The following UPP2 variants were observed in gnomAD, a reference collection of about 807,000 sequenced individuals.
UPP2 encodes the protein uridine phosphorylase 2, also known as UPase 2.
UPP2 carries 23 observed loss-of-function variants against 26.7 expected under a neutral mutation model. The ratio of observed to expected loss-of-function variants is 0.86; its 90% CI spans 0.62 to 1.22. The LOEUF (loss-of-function observed/expected upper bound fraction) is 1.22, where lower values mean the gene tolerates loss of function less well. Among genes scored for constraint, UPP2 ranks in the 50% most tolerant of loss-of-function variants. The pLI is 0.00. For missense variants in UPP2, 387 were observed against 396.7 expected, an observed-to-expected ratio of 0.98 and a Z score of 0.21; for synonymous variants, 127 against 141.3, an observed-to-expected ratio of 0.90 and a Z score of 0.72.
At chr2:158,091,823 A>T (rs919542217) in intron 3 of UPP2, among the ~76,000 whole-genome samples, 5 of 152,212 alleles carry the variant, frequency 3.3e-5, no homozygotes. Context: ...AGGCATGAAC[A>T]ACTGGCACAT....
chr2:158,115,302 G>A (rs766841703), intron 3 of UPP2, 43 bp downstream of exon 3: 2 of 1,513,780 alleles, frequency 1.3e-6, no homozygotes, highest in South Asian at 2.7e-5. Flanking sequence ...TTGCAGGCTA[G>A]AGAAAAAAGT....
chr2:158,044,553 G>A (rs550033398), intron 3 of UPP2, among the ~76,000 whole-genome samples: 2 of 152,206 alleles, frequency 1.3e-5, no homozygotes, highest in South Asian at 2.1e-4. Context: ...AGACTATTAC[G>A]ACATTTACAG....
rs757161849 is a variant in UPP2 at position 158,102,023 on chromosome 2, C to T, written c.-41C>T. 7 of 1,607,448 alleles carry T rather than the reference C, an allele frequency of 4.4e-6. No individual in the cohort carries two copies. Among genetic ancestry groups the T allele is most frequent in the Non-Finnish European group, 5.9e-6 (7 of 1,178,572 alleles). On this transcript the variant is annotated 5_prime_UTR_variant, in exon 1 of 7. Transcript: ENST00000005756. ...ATAACAAGTCACAATATCTCTCTTTCTTGACATCAATTTAAGGTGACTTTT... is the reference window on the plus strand; with the variant it reads ...ATAACAAGTCACAATATCTCTCTTTTTTGACATCAATTTAAGGTGACTTTT...
intron 3 of UPP2, among the ~76,000 whole-genome samples, chr2:158,072,817 A>C (rs911903242): frequency 6.6e-6 from 1 of 152,218 alleles, no homozygotes; most frequent in Non-Finnish European, 1.5e-5. Context: ...TGATCATGGG[A>C]CACAAGTCCC....
intron 2 of UPP2, among the ~76,000 whole-genome samples, chr2:158,001,764 T>C (rs943478238): frequency 6.6e-6 from 1 of 152,176 alleles, no homozygotes; most frequent in African/African-American, 2.4e-5. Context: ...TGAATTTCTA[T>C]AACCTGAAGT....
At chr2:158,016,998 T>C (rs1683669968) in intron 3 of UPP2, among the ~76,000 whole-genome samples, 1 of 152,156 alleles carries the variant, frequency 6.6e-6, no homozygotes. Context: ...CCATAACTAA[T>C]CTACTGTAAT....
chr2:158,077,474 C>G (rs1198146263), intron 3 of UPP2, among the ~76,000 whole-genome samples: 1 of 151,996 alleles, frequency 6.6e-6, no homozygotes, highest in African/African-American at 2.4e-5. Context: ...AATAAAGAAC[C>G]CAGAAACTAA....
intron 3 of UPP2, among the ~76,000 whole-genome samples, chr2:158,044,488 G>T (rs1051974685): frequency 6.6e-6 from 1 of 152,126 alleles, no homozygotes; most frequent in African/African-American, 2.4e-5. Flanking sequence ...AGAGAGTCAG[G>T]TCAGCCAGCT....
chr2:158,022,192 G>A (rs1683762141), intron 3 of UPP2, among the ~76,000 whole-genome samples: 1 of 152,146 alleles, frequency 6.6e-6, no homozygotes, highest in Admixed American at 6.5e-5. Flanking sequence ...ATGTGCGGTG[G>A]CTCATGCCTG....
intron 3 of UPP2, among the ~76,000 whole-genome samples, chr2:158,038,321 A>G (rs1267200160): frequency 6.6e-6 from 1 of 152,244 alleles, no homozygotes; most frequent in Non-Finnish European, 1.5e-5. Context: ...TGTGAGGCTG[A>G]TTTGTTAAAA....
chr2:158,025,461 A>C (rs1237654393), intron 3 of UPP2, among the ~76,000 whole-genome samples: 1 of 152,148 alleles, frequency 6.6e-6, no homozygotes, highest in East Asian at 1.9e-4. Flanking sequence ...GAGGGAAGCC[A>C]AACAGGCTAA....
Position 158,117,813 on chromosome 2 carries a change from T to C in UPP2, c.340-11T>C. ...GCAAGATGTATGATGACTTTCTCTTTCTCTCAATAGCACGGCATGGGCATC... is the reference window on the plus strand; with the variant it reads ...GCAAGATGTATGATGACTTTCTCTTCCTCTCAATAGCACGGCATGGGCATC... On this transcript the variant is annotated splice_polypyrimidine_tract_variant and intron_variant, in intron 3 of 6. Coordinates refer to ENST00000005756, the MANE Select transcript of UPP2 (RefSeq NM_173355.4). 1 of 1,592,228 alleles carries C rather than the reference T, an allele frequency of 6.3e-7. No homozygotes were observed. Among genetic ancestry groups the C allele is most frequent in the Non-Finnish European group, 8.6e-7 (1 of 1,160,536 alleles).
chr2:158,085,134 G>A (rs370843279), intron 3 of UPP2, among the ~76,000 whole-genome samples: 41 of 152,020 alleles, frequency 2.7e-4, no homozygotes, highest in African/African-American at 9.6e-4. Context: ...CATGGGATAT[G>A]TTTCCATTTG....
chr2:158,004,226 AC>A (rs1683452039), intron 2 of UPP2, among the ~76,000 whole-genome samples: 1 of 152,186 alleles, frequency 6.6e-6, no homozygotes, highest in African/African-American at 2.4e-5. Context: ...TTACTATATT[AC>A]TTTTATAATT....
chr2:158,044,760 AGGAGG>A (rs1684128169), intron 3 of UPP2, among the ~76,000 whole-genome samples: 1 of 152,192 alleles, frequency 6.6e-6, no homozygotes, highest in Admixed American at 6.5e-5. Flanking sequence ...AACTAACAAA[AGGAGG>A]CTCCAGAGAG....
At chr2:158,052,371 A>T (rs1324760635) in intron 3 of UPP2, among the ~76,000 whole-genome samples, 1 of 152,202 alleles carries the variant, frequency 6.6e-6, no homozygotes, top group Non-Finnish European at 1.5e-5. Flanking sequence ...CGATATCAAG[A>T]TGTGGGTAAA....
rs1683924513 is a variant in UPP2, at chr2:158,136,029, A to C, written c.*1139A>C. On this transcript the variant is annotated 3_prime_UTR_variant, in exon 7 of 7. Transcript: ENST00000005756. ...TGACCGAATGGAGGCTTGGGGCAGG[A>C]AATAGGTCCTAGGCCGGTTGAGTCT... 6.6e-6 allele frequency: 1 copy of C among 152,196 alleles called. No individual in the cohort carries two copies. Among genetic ancestry groups the C allele is most frequent in the Admixed American group, 6.5e-5 (1 of 15,280 alleles). 9.4% of individuals were successfully genotyped at this position (152,196 alleles called of 1,614,324 possible). A position where few individuals can be genotyped will look rare whatever the true frequency, so the allele number is the denominator to read the frequency against.
intron 1 of UPP2, among the ~76,000 whole-genome samples, chr2:158,104,920 G>A (rs1001215824): frequency 2.9e-4 from 4 of 13,714 alleles, no homozygotes; most frequent in Non-Finnish European, 4.9e-4. Flanking sequence ...AACTCTGAAA[G>A]GGAAGGGAAG....
At chr2:158,049,046 A>G (rs964207995) in intron 3 of UPP2, among the ~76,000 whole-genome samples, 1 of 152,308 alleles carries the variant, frequency 6.6e-6, no homozygotes, top group South Asian at 2.1e-4. Flanking sequence ...AGAGTTCCCC[A>G]GGGTGGTTCC....
Sources: allele counts gnomAD v4.1 joint callset (sites outside exome capture counted in the v4.1 genomes callset), GRCh38; gene constraint gnomAD v4.1.1; transcripts MANE v1.5; gene names NCBI Gene and HGNC (gene_info 2026-07-23, HGNC 2026-07-21).